MEIS1: variants seen among roughly 807,000 people sequenced by gnomAD.
MEIS1 encodes the protein Meis homeobox 1, also known as homeobox protein Meis1.
Under a neutral mutation model 50.8 loss-of-function variants are expected in MEIS1, and 5 were observed. That is an observed-to-expected ratio of 0.10 (90% confidence interval 0.05 to 0.21). MEIS1 has a LOEUF of 0.21. Ranked by LOEUF, MEIS1 falls within the 10% of genes least tolerant of loss-of-function variation. The pLI is 1.00. For missense variants in MEIS1, 318 were observed against 517.3 expected (o/e 0.61, Z 3.74); for synonymous variants, 176 against 179.3 (o/e 0.98, Z 0.15).
intron 7 of MEIS1, among the ~76,000 whole-genome samples, chr2:66,473,397 A>AAAATATATATATATATAT: frequency 4.6e-5 from 5 of 107,594 alleles, no homozygotes; most frequent in African/African-American, 2.9e-4. Context: ...AAAAAAAAAA[A>AAAATATATATATATATAT]ATATATATAT....
intron 7 of MEIS1, among the ~76,000 whole-genome samples, chr2:66,479,206 T>C (rs187755359): frequency 1.6e-4 from 24 of 152,332 alleles, no homozygotes; most frequent in Non-Finnish European, 3.1e-4. Flanking sequence ...CTTGTTGACC[T>C]TGACTTTTTT....
At chr2:66,470,324 G>A (rs1330829422) in intron 7 of MEIS1, among the ~76,000 whole-genome samples, 1 of 152,140 alleles carries the variant, frequency 6.6e-6, no homozygotes, top group African/African-American at 2.4e-5. Flanking sequence ...ATTTCCTGGT[G>A]GGAAAAGTCA....
chr2:66,568,978 A>G, intron 11 of MEIS1, 72 bp from the exon 12 acceptor site: 1 of 1,376,420 alleles, frequency 7.3e-7, no homozygotes, highest in Non-Finnish European at 1.0e-6. Flanking sequence ...TTTTTTTTTA[A>G]GGGTCTTTTG....
intron 9 of MEIS1, among the ~76,000 whole-genome samples, chr2:66,560,583 CAAA>C (rs796503153): frequency 3.1e-5 from 4 of 129,216 alleles, no homozygotes; most frequent in African/African-American, 2.8e-5. Flanking sequence ...GACTCTGTCT[CAAA>C]AAAAAAAAAA....
chr2:66,554,883 A>T (rs577483830), intron 9 of MEIS1, among the ~76,000 whole-genome samples: 14 of 152,354 alleles, frequency 9.2e-5, no homozygotes, highest in African/African-American at 2.4e-4. Context: ...TAAAAACTAG[A>T]TGAAATTAAA....
intron 8 of MEIS1, among the ~76,000 whole-genome samples, chr2:66,547,397 T>G (rs868142116): frequency 6.7e-6 from 1 of 149,994 alleles, no homozygotes; most frequent in African/African-American, 2.4e-5. Context: ...GTGAATTTTG[T>G]TTTTTTTGCT....
chr2:66,521,894 G>A (rs1299247196), intron 8 of MEIS1, among the ~76,000 whole-genome samples: 1 of 152,154 alleles, frequency 6.6e-6, no homozygotes, highest in Non-Finnish European at 1.5e-5. Context: ...ATTACCAGTG[G>A]CTGTGTTTAG....
intron 9 of MEIS1, among the ~76,000 whole-genome samples, chr2:66,565,734 A>G (rs145271825): frequency 7.4e-4 from 112 of 152,338 alleles, no homozygotes; most frequent in African/African-American, 2.5e-3. Context: ...GAAAGTTAAT[A>G]GACAGAATTC....
chr2:66,439,215 G>C (rs72893263), intron 2 of MEIS1: 1 of 943,978 alleles, frequency 1.1e-6, no homozygotes, highest in Non-Finnish European at 1.3e-6. Flanking sequence ...ACTTTCTTTG[G>C]GGGGCGGTGG....
rs1224357855 is a variant in MEIS1 at position 66,488,550 on chromosome 2, C to T, written c.743-23599C>T. ...AAAATTAGCCGGGCATGGTGGTGGGCGCCTGTAGTCCCAGCTACTCGGGAG... is the reference window on the plus strand; with the variant it reads ...AAAATTAGCCGGGCATGGTGGTGGGTGCCTGTAGTCCCAGCTACTCGGGAG... On this transcript the variant is annotated intron_variant, in intron 7 of 12. Transcript: ENST00000272369. 5.3e-5 allele frequency among the ~76,000 whole-genome samples: 8 copies of T among 151,986 alleles called. No individual in the cohort carries two copies. In the South Asian group the frequency reaches 1.7e-3, roughly 32 times the overall value.
chr2:66,559,666 G>C (rs1374347601), intron 9 of MEIS1, among the ~76,000 whole-genome samples: 1 of 152,038 alleles, frequency 6.6e-6, no homozygotes, highest in Non-Finnish European at 1.5e-5. Context: ...CCTAGATCAT[G>C]CTATTGCTTC....
chr2:66,466,628 G>A (rs1364175149), intron 7 of MEIS1, among the ~76,000 whole-genome samples: 2 of 152,238 alleles, frequency 1.3e-5, no homozygotes, highest in Non-Finnish European at 2.9e-5. Context: ...TGGCAGGCAT[G>A]GATGTGTAAG....
At chr2:66,498,953 G>A (rs879325779) in intron 7 of MEIS1, among the ~76,000 whole-genome samples, 2 of 152,214 alleles carry the variant, frequency 1.3e-5, no homozygotes, top group Non-Finnish European at 2.9e-5. Context: ...CACTGCTCTA[G>A]AAAGTTACTT....
intron 7 of MEIS1, among the ~76,000 whole-genome samples, chr2:66,477,905 A>G (rs1573163415): frequency 6.6e-6 from 1 of 152,228 alleles, no homozygotes; most frequent in East Asian, 1.9e-4. Context: ...TAGAAACAGT[A>G]TACCGTTATG....
intron 7 of MEIS1, among the ~76,000 whole-genome samples, chr2:66,499,129 C>T (rs1364661499): frequency 6.6e-6 from 1 of 152,200 alleles, no homozygotes; most frequent in Admixed American, 6.5e-5. Flanking sequence ...GATGCAATCA[C>T]TGATGCATGC....
intron 6 of MEIS1, among the ~76,000 whole-genome samples, chr2:66,446,239 G>T (rs977450686): frequency 6.6e-6 from 1 of 152,236 alleles, no homozygotes; most frequent in Admixed American, 6.5e-5. Context: ...GGATTAGGGG[G>T]CGCCAAGAGG....
At chr2:66,523,960 C>T (rs934037269) in intron 8 of MEIS1, among the ~76,000 whole-genome samples, 1 of 152,108 alleles carries the variant, frequency 6.6e-6, no homozygotes, top group African/African-American at 2.4e-5. Flanking sequence ...TAAATACAGT[C>T]AAAATGTTGA....
At chr2:66,546,869 G>C (rs1674804807) in intron 8 of MEIS1, among the ~76,000 whole-genome samples, 1 of 152,088 alleles carries the variant, frequency 6.6e-6, no homozygotes, top group Admixed American at 6.6e-5. Flanking sequence ...AGCCTTTTTA[G>C]CATCTAATCA....
At chr2:66,482,872 A>G (rs1413061466) in intron 7 of MEIS1, among the ~76,000 whole-genome samples, 2 of 152,198 alleles carry the variant, frequency 1.3e-5, no homozygotes, top group Non-Finnish European at 2.9e-5. Flanking sequence ...AGGGGGCTTC[A>G]GTGTAGGATC....
Sources: gnomAD v4.1 joint callset for allele counts (sites outside exome capture counted in the v4.1 genomes callset) on GRCh38, gnomAD v4.1.1 for gene constraint, MANE v1.5 for transcripts, NCBI Gene and HGNC (gene_info 2026-07-23, HGNC 2026-07-21) for gene names.